FBXO8: variants seen among roughly 807,000 people sequenced by gnomAD.
FBXO8 encodes F-box only protein 8.
FBXO8 carries 15 observed loss-of-function variants against 33.4 expected under a neutral mutation model. That is an observed-to-expected ratio of 0.45 (90% confidence interval 0.30 to 0.69). The LOEUF is 0.69. Among genes scored for constraint, FBXO8 ranks in the 30% least tolerant of loss-of-function variants. The pLI is 0.08. For synonymous variants in FBXO8, 132 were observed against 131.5 expected, an observed-to-expected ratio of 1.00 and a Z score of -0.02; for missense variants, 274 against 380.3, an observed-to-expected ratio of 0.72 and a Z score of 2.32.
chr4:174,270,163 T>C lies in FBXO8; in HGVS notation c.-8-7063A>G, dbSNP rs1008490373. ...TGGTATTGTGTATAAACATGCCACATTAGCCGAGACAGAGCTATTTTATTA... is the reference window on the plus strand; with the variant it reads ...TGGTATTGTGTATAAACATGCCACACTAGCCGAGACAGAGCTATTTTATTA... On this transcript the variant is annotated intron_variant, in intron 1 of 5. Coordinates refer to ENST00000393674, the MANE Select transcript of FBXO8 (RefSeq NM_012180.3). This position sits in a 1 kb window ranked among gnomAD's most constrained non-coding sequence, Gnocchi z 4.6. 1.2e-4 allele frequency among the ~76,000 whole-genome samples: 18 copies of C among 152,210 alleles called. No individual in the cohort carries two copies. Among genetic ancestry groups the C allele is most frequent in the Admixed American group, 6.5e-5 (1 of 15,276 alleles).
Position 174,278,689 on chromosome 4 carries a change from A to C in FBXO8, c.-9+4721T>G, listed in dbSNP as rs1462882673. Among the ~76,000 whole-genome samples the C allele has an allele frequency of 2.0e-5, 3 of 152,078 alleles. No homozygotes were observed. The highest frequency in any genetic ancestry group is 4.4e-5 in the Non-Finnish European group (3 of 67,952). On this transcript the variant is annotated intron_variant, in intron 1 of 5. Coordinates refer to ENST00000393674, the MANE Select transcript of FBXO8 (RefSeq NM_012180.3). This position sits in a 1 kb window ranked among gnomAD's most constrained non-coding sequence, Gnocchi z 4.1. ...ATCCTAACCCACCTTCTCAGTATACACATACTCACCTGCCCACTAACCACA... is the reference window on the plus strand; with the variant it reads ...ATCCTAACCCACCTTCTCAGTATACCCATACTCACCTGCCCACTAACCACA...
In FBXO8 at chr4:174,256,633, C is replaced by G. The variant is rs556855828; in HGVS notation, c.456+3066G>C. On this transcript the variant is annotated intron_variant, in intron 3 of 5. Transcript: ENST00000393674. This position sits in a 1 kb window ranked among gnomAD's most constrained non-coding sequence, Gnocchi z 4.6. Reference sequence around the variant, plus strand: ...GAAAGTACAGAATATAGTCACTGAACTACTTCCCCTCATTTCTCTGACCTT... The same window carrying G: ...GAAAGTACAGAATATAGTCACTGAAGTACTTCCCCTCATTTCTCTGACCTT... 6.6e-6 allele frequency among the ~76,000 whole-genome samples: 1 copy of G among 152,166 alleles called. No homozygotes were observed. The highest frequency in any genetic ancestry group is 2.4e-5 in the African/African-American group (1 of 41,450).
Position 174,262,546 on chromosome 4 carries a change from C to T in FBXO8, c.329+218G>A, listed in dbSNP as rs1394548006. 6.6e-6 allele frequency among the ~76,000 whole-genome samples: 1 copy of T among 152,134 alleles called. No homozygotes were observed. The highest frequency in any genetic ancestry group is 6.6e-5 in the Admixed American group (1 of 15,262). On this transcript the variant is annotated intron_variant, in intron 2 of 5. Transcript: ENST00000393674. This position sits in a 1 kb window ranked among gnomAD's most constrained non-coding sequence, Gnocchi z 4.6. The stretch of plus-strand genomic sequence containing the variant: ...GCCTGATTGGTAACCTCTCTTCTAA[C>T]TGTAAAGTTATTATTCTATTTTCTA...
At position 174,252,359 on chromosome 4, in the gene FBXO8, A is replaced by C. The variant is rs1040092239; in HGVS notation, c.456+7340T>G. On this transcript the variant is annotated intron_variant, in intron 3 of 5. Coordinates refer to ENST00000393674, the MANE Select transcript of FBXO8 (RefSeq NM_012180.3). The surrounding 1 kb of genome is among the most constrained non-coding windows in gnomAD (Gnocchi z 5.1). Reference sequence around the variant, plus strand: ...ATAATAATAATAGCAATAATACATCAAGATGTTTTTGGTTATAAACAACAG... The same window carrying C: ...ATAATAATAATAGCAATAATACATCCAGATGTTTTTGGTTATAAACAACAG... Among the ~76,000 whole-genome samples, 1 of 152,194 alleles carries C rather than the reference A, an allele frequency of 6.6e-6. No homozygotes were observed. The highest frequency in any genetic ancestry group is 2.4e-5 in the African/African-American group (1 of 41,454).
rs191933718 is a variant in FBXO8 at position 174,281,614 on chromosome 4, C to A, written c.-9+1796G>T. Among the ~76,000 whole-genome samples the A allele has an allele frequency of 1.8e-3, 276 of 152,170 alleles. No homozygotes were observed. Among genetic ancestry groups the A allele is most frequent in the Non-Finnish European group, 3.5e-3 (236 of 67,990 alleles). ...GAGGTGGGAGGGAGAATTGCTTGAA[C>A]CTAGGAGGTCAAGGCTACAGTGAGT... is the stretch of plus-strand genomic sequence containing the variant. On this transcript the variant is annotated intron_variant, in intron 1 of 5. Transcript: ENST00000393674. The surrounding 1 kb of genome is among the most constrained non-coding windows in gnomAD (Gnocchi z 4.6).
intron 4 of FBXO8, among the ~76,000 whole-genome samples, chr4:174,240,145 A>G (rs1457334703): frequency 6.6e-6 from 1 of 151,038 alleles, no homozygotes; most frequent in Non-Finnish European, 1.5e-5. Flanking sequence ...ACAAAAAAAA[A>G]AAAAAAGAAG....
In FBXO8 at chr4:174,256,472, A is replaced by C. The variant is rs565765626; in HGVS notation, c.456+3227T>G. On this transcript the variant is annotated intron_variant, in intron 3 of 5. Coordinates refer to ENST00000393674, the MANE Select transcript of FBXO8 (RefSeq NM_012180.3). The surrounding 1 kb of genome is among the most constrained non-coding windows in gnomAD (Gnocchi z 4.6). Reference sequence around the variant, plus strand: ...CAAGAGTCATTCTAAAGTCTGGCTAAAGTATGACTCATACAGATAAGTGCT... The same window carrying C: ...CAAGAGTCATTCTAAAGTCTGGCTACAGTATGACTCATACAGATAAGTGCT... 3.3e-5 allele frequency among the ~76,000 whole-genome samples: 5 copies of C among 152,300 alleles called. No homozygotes were observed. The East Asian group carries it at 9.7e-4, about 29-fold the overall frequency.
chr4:174,269,339 A>T (rs1375064420), intron 1 of FBXO8, among the ~76,000 whole-genome samples: 1 of 151,890 alleles, frequency 6.6e-6, no homozygotes, highest in African/African-American at 2.4e-5. Context: ...AAAATGGGGG[A>T]AAAAACCCCA....
intron 3 of FBXO8, among the ~76,000 whole-genome samples, chr4:174,250,608 C>A (rs188268353): frequency 6.6e-6 from 1 of 151,918 alleles, no homozygotes; most frequent in Non-Finnish European, 1.5e-5. Flanking sequence ...AAGAAGAAAA[C>A]GTTATATAGT....
Position 174,237,432 on chromosome 4 carries a change from T to C in FBXO8, c.940A>G (p.Ile314Val). Reference sequence around the variant, plus strand: ...GCTTTTTATGCAGCCACATGGCCAATAAGGTAGATATTGTCATAAAGATGC... The same window carrying C: ...GCTTTTTATGCAGCCACATGGCCAACAAGGTAGATATTGTCATAAAGATGC... ...VGHLYDNIYL[I>V]GHVAA Residue 314 changes from isoleucine to valine, a missense_variant, in exon 6 of 6, where the codon ATT becomes GTT. Ile to Val is a conservative substitution (Grantham distance 29). This residue lies in a region of FBXO8 where 186 missense variants were observed against 293.4 expected (regional missense o/e 0.63). Coordinates refer to ENST00000393674, the MANE Select transcript of FBXO8 (RefSeq NM_012180.3). This position sits in a 1 kb window ranked among gnomAD's most constrained non-coding sequence, Gnocchi z 4.4. 1 of 1,612,846 alleles carries C rather than the reference T, an allele frequency of 6.2e-7. No individual in the cohort carries two copies. The highest frequency in any genetic ancestry group is 8.5e-7 in the Non-Finnish European group (1 of 1,179,136).
rs770913375 is a variant in FBXO8, at chr4:174,244,409, TTTG to T, written c.457-3194_457-3192del. 1.0e-3 allele frequency among the ~76,000 whole-genome samples: 155 copies of T among 151,586 alleles called. 1 individual carries two copies. Among genetic ancestry groups the T allele is most frequent in the African/African-American group, 2.9e-3 (120 of 41,462 alleles). ...ATCATTTGTCTTTGCTTGATTCAATTTTGTTGTTGTTGTTGTTGTTCTTACATT... is the reference window on the plus strand; with the variant it reads ...ATCATTTGTCTTTGCTTGATTCAATTTTGTTGTTGTTGTTGTTCTTACATT... On this transcript the variant is annotated intron_variant, in intron 3 of 5. Transcript: ENST00000393674.
rs1036197796 is a variant in FBXO8 at position 174,278,015 on chromosome 4, C to A, written c.-9+5395G>T. On this transcript the variant is annotated intron_variant, in intron 1 of 5. Coordinates refer to ENST00000393674, the MANE Select transcript of FBXO8 (RefSeq NM_012180.3). This position sits in a 1 kb window ranked among gnomAD's most constrained non-coding sequence, Gnocchi z 4.1. ...ATTTTGAATCAAATCAGGAGCCTAG[C>A]ATTTATTTCTTCACTTCCAAAAGAA... Among the ~76,000 whole-genome samples, 1 of 151,984 alleles carries A rather than the reference C, an allele frequency of 6.6e-6. No individual in the cohort carries two copies. Among genetic ancestry groups the A allele is most frequent in the African/African-American group, 2.4e-5 (1 of 41,398 alleles).
In FBXO8 at chr4:174,254,523, A is replaced by T. The variant is rs1236594843; in HGVS notation, c.456+5176T>A. On this transcript the variant is annotated intron_variant, in intron 3 of 5. Transcript: ENST00000393674. The surrounding 1 kb of genome is among the most constrained non-coding windows in gnomAD (Gnocchi z 4.2). ...TAGTACAGAGAATGCGATACCAAGT[A>T]AATAATGATGAATGGTCTATTAGTT... 6.6e-6 allele frequency among the ~76,000 whole-genome samples: 1 copy of T among 152,218 alleles called. No individual in the cohort carries two copies. The highest frequency in any genetic ancestry group is 1.5e-5 in the Non-Finnish European group (1 of 68,022).
chr4:174,238,928 C>T (rs1048851193), intron 5 of FBXO8, 66 bp downstream of exon 5: 1 of 1,007,342 alleles, frequency 9.9e-7, no homozygotes, highest in Admixed American at 3.0e-5. Context: ...ACAAATGTCT[C>T]ATATATCTCT....
In FBXO8 at chr4:174,245,101, T is replaced by G. The variant is rs1736130957; in HGVS notation, c.457-3883A>C. Among the ~76,000 whole-genome samples the G allele has an allele frequency of 6.6e-6, 1 of 151,878 alleles. No homozygotes were observed. Among genetic ancestry groups the G allele is most frequent in the Non-Finnish European group, 1.5e-5 (1 of 67,852 alleles). ...AACACAAGGTGTGATATGCAAGGTA[T>G]TCAGTGATAGACACTGAGTAGTGTA... On this transcript the variant is annotated intron_variant, in intron 3 of 5. Transcript: ENST00000393674. The surrounding 1 kb of genome is among the most constrained non-coding windows in gnomAD (Gnocchi z 4.6).
chr4:174,276,715 A>C (rs1407860830), intron 1 of FBXO8, among the ~76,000 whole-genome samples: 3 of 152,206 alleles, frequency 2.0e-5, no homozygotes, highest in African/African-American at 7.2e-5. Context: ...TAAATAAATA[A>C]AACTGAAATC....
chr4:174,259,859 T>C lies in FBXO8; in HGVS notation c.330-34A>G. The C allele has an allele frequency of 6.5e-7, 1 of 1,539,878 alleles. No individual in the cohort carries two copies. The highest frequency in any genetic ancestry group is 8.7e-7 in the Non-Finnish European group (1 of 1,150,174). ...TCAGAGAAAATGAGACAAGAAAACA[T>C]TACTACATTTAATTTCCTAAGTTAA... is the stretch of plus-strand genomic sequence containing the variant. On this transcript the variant is annotated intron_variant, in intron 2 of 5. Transcript: ENST00000393674. The surrounding 1 kb of genome is among the most constrained non-coding windows in gnomAD (Gnocchi z 4.3).
chr4:174,280,518 G>A (rs989850595), intron 1 of FBXO8, among the ~76,000 whole-genome samples: 3 of 152,072 alleles, frequency 2.0e-5, no homozygotes, highest in African/African-American at 7.2e-5. Context: ...GCAGGGTCTG[G>A]AAAAGATATT....
rs1004960805 is a variant in FBXO8, at chr4:174,281,881, A to G, written c.-9+1529T>C. 6.6e-6 allele frequency among the ~76,000 whole-genome samples: 1 copy of G among 152,258 alleles called. No individual in the cohort carries two copies. The highest frequency in any genetic ancestry group is 1.5e-5 in the Non-Finnish European group (1 of 68,046). ...TTTAAATTGTTTAAAAAATTATTTA[A>G]GTAAAATAATTCAAGAAAAAGAAAC... On this transcript the variant is annotated intron_variant, in intron 1 of 5. Coordinates refer to ENST00000393674, the MANE Select transcript of FBXO8 (RefSeq NM_012180.3). This position sits in a 1 kb window ranked among gnomAD's most constrained non-coding sequence, Gnocchi z 4.6.
Sources: allele counts gnomAD v4.1 joint callset (sites outside exome capture counted in the v4.1 genomes callset), GRCh38; gene constraint gnomAD v4.1.1; regional missense constraint gnomAD v4.1.1; non-coding constraint Gnocchi (gnomAD v3.1); transcripts MANE v1.5; gene names NCBI Gene and HGNC (gene_info 2026-07-23, HGNC 2026-07-21).